The following RNF220 variants were observed in gnomAD, a reference collection of about 807,000 sequenced individuals.
RNF220 encodes ring finger protein 220, also known as E3 ubiquitin-protein ligase RNF220.
In RNF220, 7 loss-of-function variants were observed where a neutral mutation model predicts 67.1. The ratio of observed to expected loss-of-function variants is 0.10; its 90% CI spans 0.06 to 0.20. The LOEUF (loss-of-function observed/expected upper bound fraction) is 0.20, where lower values mean the gene tolerates loss of function less well. Ranked by LOEUF, RNF220 falls within the 10% of genes least tolerant of loss-of-function variation. RNF220 has a pLI of 1.00. For synonymous variants in RNF220, 270 were observed against 283.2 expected (o/e 0.95, Z 0.47); for missense variants, 565 against 740.3 (o/e 0.76, Z 2.75).
intron 2 of RNF220, among the ~76,000 whole-genome samples, chr1:44,526,995 A>G (rs1209543247): frequency 6.6e-6 from 1 of 151,880 alleles, no homozygotes; most frequent in Non-Finnish European, 1.5e-5. Context: ...GTGCCCCTTC[A>G]GTATCGCTGC....
Position 44,637,278 on chromosome 1 carries a change from C to T in RNF220, c.1126+1116C>T, listed in dbSNP as rs570952300. ...TGCCTCTGGGCGTCTCTCACATTAC[C>T]CAGGTGTTTGGGGGCAAGCCAAAAC... On this transcript the variant is annotated intron_variant, in intron 8 of 14. Coordinates refer to ENST00000361799, the MANE Select transcript of RNF220 (RefSeq NM_018150.4). Among the ~76,000 whole-genome samples, 3 of 152,344 alleles carry T rather than the reference C, an allele frequency of 2.0e-5. No homozygotes were observed. In the South Asian group the frequency reaches 6.2e-4, roughly 32 times the overall value.
At chr1:44,607,462 T>C (rs116597029) in intron 2 of RNF220, among the ~76,000 whole-genome samples, 3,025 of 150,972 alleles carry the variant, frequency 0.02, 45 homozygotes, top group Non-Finnish European at 0.034. Flanking sequence ...CTCTTTCTCC[T>C]GTATACCTTC....
At chr1:44,583,215 G>GATATAT (rs35343175) in intron 2 of RNF220, among the ~76,000 whole-genome samples, 31 of 149,048 alleles carry the variant, frequency 2.1e-4, no homozygotes, top group African/African-American at 7.7e-4. Context: ...TCCAGAAGCA[G>GATATAT]ATATATATAT....
intron 2 of RNF220, among the ~76,000 whole-genome samples, chr1:44,613,834 G>T (rs760540120): frequency 5.4e-4 from 82 of 152,266 alleles, no homozygotes; most frequent in African/African-American, 1.9e-3. Context: ...CCAAGATCAC[G>T]CTACTGTACT....
At chr1:44,459,562 G>A (rs1653555955) in intron 2 of RNF220, among the ~76,000 whole-genome samples, 1 of 152,020 alleles carries the variant, frequency 6.6e-6, no homozygotes, top group Admixed American at 6.6e-5. Flanking sequence ...GACGAAGTAA[G>A]GGTAGATAAA....
chr1:44,417,184 G>GGA lies in RNF220; in HGVS notation c.625+4463_625+4464insAG, dbSNP rs1171344262. Among the ~76,000 whole-genome samples the GGA allele has an allele frequency of 1.3e-5, 2 of 152,118 alleles. No homozygotes were observed. Among genetic ancestry groups the GGA allele is most frequent in the Admixed American group, 1.3e-4 (2 of 15,278 alleles). ...GGGTCAGCAAATCGCCAGAAGACCT[G>GGA]GGTCAGATGCTTCCCTCTGTCCTGA... On this transcript the variant is annotated intron_variant, in intron 2 of 14. Coordinates refer to ENST00000361799, the MANE Select transcript of RNF220 (RefSeq NM_018150.4). This position sits in a 1 kb window ranked among gnomAD's most constrained non-coding sequence, Gnocchi z 4.0.
chr1:44,632,870 TATCA>T (rs1375699641), intron 6 of RNF220: 1 of 163,294 alleles, frequency 6.1e-6, no homozygotes, highest in Non-Finnish European at 1.4e-5. Context: ...CTCTTTGAGT[TATCA>T]GTCGGCCCAC....
At chr1:44,459,590 G>T (rs1016743774) in intron 2 of RNF220, among the ~76,000 whole-genome samples, 1 of 152,054 alleles carries the variant, frequency 6.6e-6, no homozygotes, top group Admixed American at 6.6e-5. Flanking sequence ...GGGGATCTTC[G>T]AACAAAAAAG....
intron 2 of RNF220, among the ~76,000 whole-genome samples, chr1:44,542,005 G>A (rs1037189655): frequency 2.6e-5 from 4 of 152,168 alleles, no homozygotes; most frequent in African/African-American, 9.7e-5. Context: ...CAGAGCCTGG[G>A]CTTGACCTAA....
At chr1:44,432,395 T>C (rs1225466890) in intron 2 of RNF220, among the ~76,000 whole-genome samples, 1 of 151,568 alleles carries the variant, frequency 6.6e-6, no homozygotes, top group Non-Finnish European at 1.5e-5. Flanking sequence ...CTCAGCCTCC[T>C]GAGTAGCAGG....
At chr1:44,452,175 T>C (rs1346460640) in intron 2 of RNF220, among the ~76,000 whole-genome samples, 1 of 152,226 alleles carries the variant, frequency 6.6e-6, no homozygotes, top group Non-Finnish European at 1.5e-5. Context: ...TCTGTTCTAC[T>C]CCTTGGATTT....
intron 2 of RNF220, among the ~76,000 whole-genome samples, chr1:44,524,472 C>T (rs772650958): frequency 1.3e-5 from 2 of 152,154 alleles, no homozygotes; most frequent in Admixed American, 6.5e-5. Flanking sequence ...CACCCAAACC[C>T]GGTTGCTGTG....
Position 44,624,679 on chromosome 1 carries a change from G to A in RNF220, c.805-1618G>A, listed in dbSNP as rs1268022579. Among the ~76,000 whole-genome samples the A allele has an allele frequency of 1.3e-5, 2 of 152,178 alleles. No homozygotes were observed. The highest frequency in any genetic ancestry group is 1.3e-4 in the Admixed American group (2 of 15,286). ...GAGACTGAAAGGACAGGGAGAAGGA[G>A]GGAGGGAGGAGGAGGAGAGGGCGAG... On this transcript the variant is annotated intron_variant, in intron 4 of 14. Transcript: ENST00000361799. The surrounding 1 kb of genome is among the most constrained non-coding windows in gnomAD (Gnocchi z 4.2).
chr1:44,503,060 G>A lies in RNF220; in HGVS notation c.625+90338G>A, dbSNP rs180940060. On this transcript the variant is annotated intron_variant, in intron 2 of 14. Coordinates refer to ENST00000361799, the MANE Select transcript of RNF220 (RefSeq NM_018150.4). ...TTGAAGTGTTTACCAAGGGCCAGGCGCAGTGGCTCACACCTATAATCCCAG... is the reference window on the plus strand; with the variant it reads ...TTGAAGTGTTTACCAAGGGCCAGGCACAGTGGCTCACACCTATAATCCCAG... Among the ~76,000 whole-genome samples, 366 of 152,068 alleles carry A rather than the reference G, an allele frequency of 2.4e-3. 2 individuals are homozygous for A. The highest frequency in any genetic ancestry group is 2.4e-3 in the Non-Finnish European group (164 of 67,992).
At chr1:44,608,262 A>G (rs1418202843) in intron 2 of RNF220, among the ~76,000 whole-genome samples, 2 of 152,132 alleles carry the variant, frequency 1.3e-5, no homozygotes, top group African/African-American at 2.4e-5. Context: ...TCTGGGGACA[A>G]TCGTTTCATG....
chr1:44,443,652 G>C (rs1422909503), intron 2 of RNF220, among the ~76,000 whole-genome samples: 1 of 152,122 alleles, frequency 6.6e-6, no homozygotes, highest in African/African-American at 2.4e-5. Context: ...GTATGTAGCT[G>C]TTAATGAGTA....
chr1:44,624,847 G>A lies in RNF220; in HGVS notation c.805-1450G>A, dbSNP rs1643893673. Among the ~76,000 whole-genome samples the A allele has an allele frequency of 6.6e-6, 1 of 152,182 alleles. No individual in the cohort carries two copies. The highest frequency in any genetic ancestry group is 1.5e-5 in the Non-Finnish European group (1 of 68,026). On this transcript the variant is annotated intron_variant, in intron 4 of 14. Coordinates refer to ENST00000361799, the MANE Select transcript of RNF220 (RefSeq NM_018150.4). The surrounding 1 kb of genome is among the most constrained non-coding windows in gnomAD (Gnocchi z 4.2). ...ACAATGATAATTTTACCTTCCAAAA[G>A]GCCACTTTTAATGAGGCGAAGAGCC...
intron 2 of RNF220, among the ~76,000 whole-genome samples, chr1:44,429,134 T>C (rs2147860443): frequency 6.6e-6 from 1 of 151,818 alleles, no homozygotes; most frequent in African/African-American, 2.4e-5. Flanking sequence ...TTTCTTTCCT[T>C]CCACCTCTAC....
At chr1:44,430,754 C>T (rs576834308) in intron 2 of RNF220, among the ~76,000 whole-genome samples, 35 of 152,252 alleles carry the variant, frequency 2.3e-4, no homozygotes, top group Non-Finnish European at 4.3e-4. Flanking sequence ...ACCATCTTGG[C>T]CAGGCTGGTC....
Sources: allele counts gnomAD v4.1 joint callset (sites outside exome capture counted in the v4.1 genomes callset), GRCh38; gene constraint gnomAD v4.1.1; non-coding constraint Gnocchi (gnomAD v3.1); transcripts MANE v1.5; gene names NCBI Gene and HGNC (gene_info 2026-07-23, HGNC 2026-07-21).